The following LRBA variants were observed in gnomAD, a reference collection of about 807,000 sequenced individuals.
LRBA encodes LPS responsive beige-like anchor protein.
A neutral mutation model predicts 330.0 loss-of-function variants in LRBA; 176 were observed. The ratio of observed to expected loss-of-function variants is 0.53; its 90% CI spans 0.47 to 0.60. The LOEUF (loss-of-function observed/expected upper bound fraction) is 0.60. Among genes scored for constraint, LRBA ranks in the 20% least tolerant of loss-of-function variants. The pLI, the probability that LRBA is intolerant of heterozygous loss-of-function variation, is 0.00. For missense variants in LRBA, 3,259 were observed against 3,444.8 expected, an observed-to-expected ratio of 0.95 and a Z score of 1.35; for synonymous variants, 1,230 against 1,193.0, an observed-to-expected ratio of 1.03 and a Z score of -0.64.
intron 37 of LRBA, among the ~76,000 whole-genome samples, chr4:150,673,631 TA>T (rs1228046246): frequency 2.6e-5 from 4 of 152,208 alleles, no homozygotes; most frequent in Non-Finnish European, 5.9e-5. Context: ...TGATAGACAT[TA>T]TTTTTTTTCT....
At chr4:150,611,376 C>T (rs189011581) in intron 37 of LRBA, among the ~76,000 whole-genome samples, 2 of 152,068 alleles carry the variant, frequency 1.3e-5, no homozygotes, top group Admixed American at 6.5e-5. Context: ...TAAGAAATAG[C>T]GCTAGACCCT....
At chr4:150,840,042 T>C (rs1341799878) in intron 28 of LRBA, among the ~76,000 whole-genome samples, 1 of 152,220 alleles carries the variant, frequency 6.6e-6, no homozygotes, top group Non-Finnish European at 1.5e-5. Flanking sequence ...AACCAACCTC[T>C]GGTAGCTTCA....
chr4:150,670,941 C>G (rs1345637228), intron 37 of LRBA, among the ~76,000 whole-genome samples: 1 of 150,580 alleles, frequency 6.6e-6, no homozygotes, highest in Non-Finnish European at 1.5e-5. Flanking sequence ...ATTATTGGAG[C>G]AATTATGCTG....
intron 56 of LRBA, among the ~76,000 whole-genome samples, chr4:150,274,210 T>C (rs1172820409): frequency 2.0e-5 from 3 of 152,178 alleles, no homozygotes; most frequent in Non-Finnish European, 2.9e-5. Flanking sequence ...GAATGACTAC[T>C]GGGCAAATAC....
chr4:150,895,447 C>A (rs1729958779), intron 16 of LRBA, among the ~76,000 whole-genome samples: 2 of 152,086 alleles, frequency 1.3e-5, no homozygotes, highest in South Asian at 4.1e-4. Context: ...CCCCACCCCA[C>A]AACAGGCCCC....
chr4:150,368,220 C>T (rs550336312), intron 47 of LRBA, among the ~76,000 whole-genome samples: 16 of 152,120 alleles, frequency 1.1e-4, no homozygotes, highest in African/African-American at 3.9e-4. Context: ...AGTTTACCTT[C>T]GGAGAAAACT....
intron 5 of LRBA, among the ~76,000 whole-genome samples, chr4:150,920,554 T>TA (rs757164302): frequency 9.9e-5 from 15 of 150,880 alleles, no homozygotes; most frequent in Middle Eastern, 3.4e-3. Flanking sequence ...CATCTCAAAA[T>TA]AAAAAAAAAG....
chr4:150,917,699 G>C (rs1215728654), intron 5 of LRBA, among the ~76,000 whole-genome samples: 1 of 152,130 alleles, frequency 6.6e-6, no homozygotes, highest in East Asian at 1.9e-4. Flanking sequence ...GGCCAAGGCA[G>C]GCAGATCATC....
chr4:150,851,024 C>A (rs1250824860), intron 23 of LRBA, 122 bp from the exon 24 acceptor site: 7 of 607,262 alleles, frequency 1.2e-5, no homozygotes, highest in Non-Finnish European at 1.4e-5. Flanking sequence ...ACTATAAGAA[C>A]CAAATTAGAG....
At chr4:150,685,420 A>ATATATACTTTTT (rs1561514146) in intron 36 of LRBA, among the ~76,000 whole-genome samples, 1 of 17,436 alleles carries the variant, frequency 5.7e-5, no homozygotes, top group African/African-American at 2.4e-4. Context: ...ATATATATAT[A>ATATATACTTTTT]TTTTTTTTTT....
At chr4:150,807,495 G>A (rs995728901) in intron 32 of LRBA, among the ~76,000 whole-genome samples, 1 of 152,120 alleles carries the variant, frequency 6.6e-6, no homozygotes, top group Non-Finnish European at 1.5e-5. Context: ...AGTCTCCAGT[G>A]GTGGAAAATA....
At chr4:150,828,064 G>A in intron 30 of LRBA, 116 bp downstream of exon 30, 1 of 793,318 alleles carries the variant, frequency 1.3e-6, no homozygotes, top group South Asian at 1.8e-5. Flanking sequence ...AAGTTCTGAG[G>A]GAGTGAAAAG....
intron 37 of LRBA, among the ~76,000 whole-genome samples, chr4:150,654,349 G>A (rs1779977144): frequency 6.6e-6 from 1 of 152,004 alleles, no homozygotes; most frequent in Non-Finnish European, 1.5e-5. Flanking sequence ...ACCATGCCTG[G>A]CTAATTTTTA....
In LRBA at chr4:150,342,444, T is replaced by G. The variant is rs77578217; in HGVS notation, c.7362+7548A>C. ...ATTCTTAAGTTGGGGTCACAAGATA[T>G]TTTTTGAAAGATTAGCATATTTGTC... On this transcript the variant is annotated intron_variant, in intron 48 of 56. Transcript: ENST00000651943. Among the ~76,000 whole-genome samples the G allele has an allele frequency of 6.1e-3, 922 of 152,290 alleles. 10 individuals carry two copies. The highest frequency in any genetic ancestry group is 0.022 in the African/African-American group (899 of 41,574).
intron 43 of LRBA, among the ~76,000 whole-genome samples, chr4:150,470,840 T>TACACACAC (rs146604033): frequency 5.0e-4 from 71 of 140,664 alleles, no homozygotes; most frequent in African/African-American, 1.7e-3. Flanking sequence ...CCCTCATTAC[T>TACACACAC]ACACACACAC....
At chr4:150,477,410 G>A (rs1052711192) in intron 42 of LRBA, among the ~76,000 whole-genome samples, 2 of 152,034 alleles carry the variant, frequency 1.3e-5, no homozygotes, top group African/African-American at 4.8e-5. Context: ...CAATCATGGT[G>A]GAAGGCAAAG....
At chr4:150,533,871 T>C (rs574468794) in intron 40 of LRBA, among the ~76,000 whole-genome samples, 1 of 152,262 alleles carries the variant, frequency 6.6e-6, no homozygotes, top group Admixed American at 6.5e-5. Context: ...GGCTGATAAG[T>C]CAATCTCCAT....
At chr4:150,390,133 T>C (rs1394746599) in intron 47 of LRBA, among the ~76,000 whole-genome samples, 2 of 152,110 alleles carry the variant, frequency 1.3e-5, no homozygotes, top group East Asian at 3.8e-4. Flanking sequence ...ATCACACCGA[T>C]TAAATAAAGG....
At chr4:150,539,285 T>C (rs905124954) in intron 40 of LRBA, among the ~76,000 whole-genome samples, 14 of 152,190 alleles carry the variant, frequency 9.2e-5, no homozygotes, top group African/African-American at 3.4e-4. Flanking sequence ...TTTGTTTAAA[T>C]TGAGGCTGTA....
Sources: gnomAD v4.1 joint callset for allele counts (sites outside exome capture counted in the v4.1 genomes callset) on GRCh38, gnomAD v4.1.1 for gene constraint, MANE v1.5 for transcripts, NCBI Gene and HGNC (gene_info 2026-07-23, HGNC 2026-07-21) for gene names.